Variants in SPRR1B observed in about 807,000 individuals in gnomAD.
SPRR1B encodes the protein small proline rich protein 1B.
A neutral mutation model predicts 1.2 loss-of-function variants in SPRR1B; 1 was observed. The observed-to-expected ratio is 0.82, with a 90% CI of 0.29 to 3.89. The LOEUF is 3.89. Ranked by LOEUF, SPRR1B falls within the 30% of genes most tolerant of loss-of-function variation. The pLI is 0.18. For synonymous variants in SPRR1B, 37 were observed against 38.3 expected (o/e 0.97, Z 0.13); for missense variants, 102 against 106.0 (o/e 0.96, Z 0.17).
At position 153,032,439 on chromosome 1, in the gene SPRR1B, C is replaced by A. The variant is rs560212664; in HGVS notation, c.94C>A (p.Pro32Thr). 5.0e-5 allele frequency: 81 copies of A among 1,613,870 alleles called. No homozygotes were observed. The highest frequency in any genetic ancestry group is 1.5e-4 in the Admixed American group (9 of 59,996). ...GCCTTGCCAGCCTCCACCTCAGGAACCATGCATCCCCAAAACCAAGGAGCC... is the reference window on the plus strand; with the variant it reads ...GCCTTGCCAGCCTCCACCTCAGGAAACATGCATCCCCAAAACCAAGGAGCC... ...KQPCQPPPQE[P>T]CIPKTKEPCH... Residue 32 changes from proline to threonine, a missense_variant, in exon 2 of 2, where the codon CCA (proline) becomes ACA (threonine). Physicochemically the swap from Pro to Thr is conservative, Grantham distance 38. Coordinates refer to ENST00000307098, the MANE Select transcript of SPRR1B (RefSeq NM_003125.3).
intron 1 of SPRR1B, 97 bp downstream of exon 1, chr1:153,031,344 T>G (rs140761269): frequency 1.3e-5 from 2 of 152,258 alleles, no homozygotes; most frequent in African/African-American, 4.8e-5. Flanking sequence ...TCCCTCATTA[T>G]TGAATTTGAT....
In SPRR1B at chr1:153,032,468, C is replaced by T. The variant is rs367847286; in HGVS notation, c.123C>T (p.Cys41=). The change falls in exon 2 of 2, where the codon TGC becomes TGT. Residue 41 remains cysteine, a synonymous_variant. Transcript: ENST00000307098. ...EPCIPKTKEP[C]HPKVPEPCHP... is the part of the protein sequence containing the mutation. ...GCATCCCCAAAACCAAGGAGCCCTG[C>T]CACCCCAAGGTGCCTGAGCCCTGCC... 6.5e-5 allele frequency: 101 copies of T among 1,554,498 alleles called. No individual in the cohort carries two copies. Among genetic ancestry groups the T allele is most frequent in the Non-Finnish European group, 8.5e-5 (96 of 1,129,430 alleles).
At chr1:153,032,234 G>A in intron 1 of SPRR1B, 93 bp from the exon 2 acceptor site, 1 of 1,411,178 alleles carries the variant, frequency 7.1e-7, no homozygotes, top group Non-Finnish European at 9.6e-7. Context: ...GTCAAGAAGG[G>A]GAAAGAACAT....
chr1:153,032,260 C>G, intron 1 of SPRR1B, 67 bp from the exon 2 acceptor site: 1 of 1,515,388 alleles, frequency 6.6e-7, no homozygotes, highest in Non-Finnish European at 8.9e-7. Context: ...TTTAAGAGAC[C>G]AGAAGTGGTA....
chr1:153,032,167 T>A (rs1190873150), intron 1 of SPRR1B, among the ~76,000 whole-genome samples, 160 bp from the exon 2 acceptor site: 7 of 152,052 alleles, frequency 4.6e-5, no homozygotes, highest in Admixed American at 2.0e-4. Flanking sequence ...CAAGAGCAAA[T>A]CATCTTTAGG....
At chr1:153,032,111 G>T (rs944536057) in intron 1 of SPRR1B, among the ~76,000 whole-genome samples, 3 of 152,036 alleles carry the variant, frequency 2.0e-5, no homozygotes, top group African/African-American at 7.3e-5. Flanking sequence ...TTATTGTGCT[G>T]TGTAGGAAGA....
rs776057234 is a variant in SPRR1B, at chr1:153,032,472, C to G, written c.127C>G (p.Pro43Ala). 4.7e-6 allele frequency: 7 copies of G among 1,496,160 alleles called. No individual in the cohort carries two copies. The African/African-American group carries it at 6.9e-5, about 15-fold the overall frequency. The allele number at this position is 1,496,160 out of a possible 1,614,324, so 92.7% of individuals were successfully genotyped here. Reference sequence around the variant, plus strand: ...CCCCAAAACCAAGGAGCCCTGCCACCCCAAGGTGCCTGAGCCCTGCCACCC... The same window carrying G: ...CCCCAAAACCAAGGAGCCCTGCCACGCCAAGGTGCCTGAGCCCTGCCACCC... Reference protein sequence around the residue: ...CIPKTKEPCHPKVPEPCHPKV... With the variant: ...CIPKTKEPCHAKVPEPCHPKV... The change falls in exon 2 of 2, where the codon CCC (proline) becomes GCC (alanine). Residue 43 changes from proline (P) to alanine (A), a missense_variant. Transcript: ENST00000307098.
Position 153,032,312 on chromosome 1 carries a change from C to G in SPRR1B, c.-19-15C>G. ...CCCTATTATTCTCTGCTTAAATCAT[C>G]TGTTCTGTGTCCAGGACCAGTCACT... On this transcript the variant is annotated splice_polypyrimidine_tract_variant and intron_variant, in intron 1 of 1. Coordinates refer to ENST00000307098, the MANE Select transcript of SPRR1B (RefSeq NM_003125.3). 1 of 1,602,598 alleles carries G rather than the reference C, an allele frequency of 6.2e-7. No individual in the cohort carries two copies. Among genetic ancestry groups the G allele is most frequent in the Non-Finnish European group, 8.5e-7 (1 of 1,174,030 alleles).
At position 153,032,440 on chromosome 1, in the gene SPRR1B, C is replaced by T. The variant is rs1178547262; in HGVS notation, c.95C>T (p.Pro32Leu). The T allele has an allele frequency of 5.0e-6, 8 of 1,613,854 alleles. No individual in the cohort carries two copies. The highest frequency in any genetic ancestry group is 3.3e-5 in the South Asian group (3 of 91,080). Residue 32 changes from proline (P) to leucine (L), a missense_variant, in exon 2 of 2, where the codon CCA becomes CTA. Transcript: ENST00000307098. Reference protein sequence around the residue: ...KQPCQPPPQEPCIPKTKEPCH... With the variant: ...KQPCQPPPQELCIPKTKEPCH... ...CCTTGCCAGCCTCCACCTCAGGAAC[C>T]ATGCATCCCCAAAACCAAGGAGCCC...
At position 153,032,489 on chromosome 1, in the gene SPRR1B, C is replaced by T. The variant is rs766791483; in HGVS notation, c.144C>T (p.Pro48=). 6.7e-7 allele frequency: 1 copy of T among 1,496,054 alleles called. No individual in the cohort carries two copies. The highest frequency in any genetic ancestry group is 9.2e-7 in the Non-Finnish European group (1 of 1,085,704). 92.7% of individuals were successfully genotyped at this position (1,496,054 alleles called of 1,614,324 possible). A position where few individuals can be genotyped will look rare whatever the true frequency, so the allele number is the denominator to read the frequency against. Residue 48 remains proline (P), a synonymous_variant, in exon 2 of 2, where the codon CCC becomes CCT. Transcript: ENST00000307098. ...KEPCHPKVPE[P]CHPKVPEPCQ... ...CCTGCCACCCCAAGGTGCCTGAGCC[C>T]TGCCACCCCAAAGTGCCCGAGCCCT...
Position 153,032,641 on chromosome 1 carries a change from G to C in SPRR1B, c.*26G>C, listed in dbSNP as rs547249818. ...TGTGGTCCACAGCCATGCCCTTGAG[G>C]AGCCGGCCACCAGATGCTGAATCCC... On this transcript the variant is annotated 3_prime_UTR_variant, in exon 2 of 2. Coordinates refer to ENST00000307098, the MANE Select transcript of SPRR1B (RefSeq NM_003125.3). 5 of 1,603,982 alleles carry C rather than the reference G, an allele frequency of 3.1e-6. No individual in the cohort carries two copies. The highest frequency in any genetic ancestry group is 4.3e-6 in the Non-Finnish European group (5 of 1,173,756).
At position 153,032,375 on chromosome 1, in the gene SPRR1B, C is replaced by A. The variant is rs1219040744; in HGVS notation, c.30C>A (p.Cys10Ter). Residue 10 changes from cysteine to a stop codon, truncating the protein, a stop_gained, in exon 2 of 2, where the codon TGC (cysteine) becomes TGA (stop). Coordinates refer to ENST00000307098, the MANE Select transcript of SPRR1B (RefSeq NM_003125.3). LOFTEE classifies it low-confidence loss of function (END_TRUNC). ...GTTCCCAGCAGCAGAAGCAGCCTTG[C>A]ACCCCACCCCCTCAGCTTCAGCAGC... is the stretch of plus-strand genomic sequence containing the variant. MSSQQQKQP[C>*]TPPPQLQQQQ... 2.5e-6 allele frequency: 4 copies of A among 1,613,688 alleles called. No homozygotes were observed. The highest frequency in any genetic ancestry group is 1.7e-6 in the Non-Finnish European group (2 of 1,179,882).
chr1:153,032,438 A>G lies in SPRR1B; in HGVS notation c.93A>G (p.Glu31=), dbSNP rs1553223403. 6.2e-7 allele frequency: 1 copy of G among 1,613,864 alleles called. No individual in the cohort carries two copies. Among genetic ancestry groups the G allele is most frequent in the South Asian group, 1.1e-5 (1 of 91,054 alleles). The change falls in exon 2 of 2, where the codon GAA becomes GAG. Residue 31 remains glutamate (E), a synonymous_variant. Transcript: ENST00000307098. ...AGCCTTGCCAGCCTCCACCTCAGGA[A>G]CCATGCATCCCCAAAACCAAGGAGC... is the stretch of plus-strand genomic sequence containing the variant. ...VKQPCQPPPQ[E]PCIPKTKEPC...
At position 153,032,830 on chromosome 1, in the gene SPRR1B, G is replaced by T; in HGVS notation, c.*215G>T. ...GTTTTCAGCTGCTCAGAATTCATCT[G>T]AAGAGAGACTTAAGATGAAAGCAAA... On this transcript the variant is annotated 3_prime_UTR_variant, in exon 2 of 2. Transcript: ENST00000307098. The T allele has an allele frequency of 9.3e-6, 8 of 863,256 alleles. No homozygotes were observed. Among genetic ancestry groups the T allele is most frequent in the Middle Eastern group, 3.2e-4 (1 of 3,142 alleles). 53.5% of individuals were successfully genotyped at this position (863,256 alleles called of 1,614,324 possible).
At chr1:153,031,677 T>G (rs1653712242) in intron 1 of SPRR1B, among the ~76,000 whole-genome samples, 1 of 152,232 alleles carries the variant, frequency 6.6e-6, no homozygotes, top group African/African-American at 2.4e-5. Context: ...AAAGAAATAA[T>G]TTAAGCATCT....
At chr1:153,032,059 A>G (rs1653723470) in intron 1 of SPRR1B, among the ~76,000 whole-genome samples, 1 of 152,004 alleles carries the variant, frequency 6.6e-6, no homozygotes, top group African/African-American at 2.4e-5. Flanking sequence ...CACATTTCCA[A>G]TGGTCCAGTA....
At position 153,032,357 on chromosome 1, in the gene SPRR1B, G is replaced by T; in HGVS notation, c.12G>T (p.Gln4His). Residue 4 changes from glutamine to histidine, a missense_variant, in exon 2 of 2, where the codon CAG becomes CAT. Gln to His is a conservative substitution (Grantham distance 24). Coordinates refer to ENST00000307098, the MANE Select transcript of SPRR1B (RefSeq NM_003125.3). ...GTCACTGTTGCAGCATGAGTTCCCA[G>T]CAGCAGAAGCAGCCTTGCACCCCAC... MSS[Q>H]QQKQPCTPPP... is the part of the protein sequence containing the mutation. The T allele has an allele frequency of 6.2e-7, 1 of 1,613,668 alleles. No individual in the cohort carries two copies. The highest frequency in any genetic ancestry group is 8.5e-7 in the Non-Finnish European group (1 of 1,179,796).
In SPRR1B at chr1:153,032,638, G is replaced by T. The variant is rs769152002; in HGVS notation, c.*23G>T. On this transcript the variant is annotated 3_prime_UTR_variant, in exon 2 of 2. Coordinates refer to ENST00000307098, the MANE Select transcript of SPRR1B (RefSeq NM_003125.3). ...TAATGTGGTCCACAGCCATGCCCTT[G>T]AGGAGCCGGCCACCAGATGCTGAAT... 8 of 1,604,866 alleles carry T rather than the reference G, an allele frequency of 5.0e-6. No individual in the cohort carries two copies. Among genetic ancestry groups the T allele is most frequent in the Non-Finnish European group, 6.8e-6 (8 of 1,174,272 alleles).
Position 153,032,900 on chromosome 1 carries a change from A to C in SPRR1B, c.*285A>C. On this transcript the variant is annotated 3_prime_UTR_variant, in exon 2 of 2. Transcript: ENST00000307098. ...CCCCATTAAATTCACTTTCAATTCCACTCTTGACTGTGTGTCATTGACTCT... is the reference window on the plus strand; with the variant it reads ...CCCCATTAAATTCACTTTCAATTCCCCTCTTGACTGTGTGTCATTGACTCT... 2 of 494,730 alleles carry C rather than the reference A, an allele frequency of 4.0e-6. No individual in the cohort carries two copies. Among genetic ancestry groups the C allele is most frequent in the Non-Finnish European group, 3.6e-6 (1 of 281,280 alleles). The allele number at this position is 494,730 out of a possible 1,614,324, so 30.6% of individuals were successfully genotyped here.
Sources: allele counts gnomAD v4.1 joint callset (sites outside exome capture counted in the v4.1 genomes callset), GRCh38; gene constraint gnomAD v4.1.1; transcripts MANE v1.5; gene names NCBI Gene and HGNC (gene_info 2026-07-23, HGNC 2026-07-21).